The following OXR1 variants were observed in gnomAD, a reference collection of about 807,000 sequenced individuals.
OXR1 encodes the protein oxidation resistance 1.
Under a neutral mutation model 104.6 loss-of-function variants are expected in OXR1, and 41 were observed. The observed-to-expected ratio is 0.39, with a 90% CI of 0.31 to 0.51. The LOEUF (loss-of-function observed/expected upper bound fraction) is 0.51. Among genes scored for constraint, OXR1 ranks in the 20% least tolerant of loss-of-function variants. OXR1 has a pLI of 0.77. For synonymous variants in OXR1, 348 were observed against 348.4 expected, an observed-to-expected ratio of 1.00 and a Z score of 0.01; for missense variants, 955 against 1,031.9, an observed-to-expected ratio of 0.93 and a Z score of 1.02.
chr8:106,435,457 C>G (rs1452434527), intron 2 of OXR1, among the ~76,000 whole-genome samples: 1 of 152,122 alleles, frequency 6.6e-6, no homozygotes, highest in Non-Finnish European at 1.5e-5. Flanking sequence ...ATCTGCGATG[C>G]TATGAAAGGC....
chr8:106,489,311 A>G (rs1254902607), intron 2 of OXR1, among the ~76,000 whole-genome samples: 2 of 152,264 alleles, frequency 1.3e-5, no homozygotes, highest in East Asian at 3.9e-4. Context: ...TTAACCAGGT[A>G]TTTCTAATGC....
intron 2 of OXR1, among the ~76,000 whole-genome samples, chr8:106,367,357 C>T (rs1294700837): frequency 6.6e-6 from 1 of 151,980 alleles, no homozygotes; most frequent in African/African-American, 2.4e-5. Context: ...GCCACCACGC[C>T]CGATCTATGT....
At chr8:106,355,027 G>C (rs190320817) in intron 1 of OXR1, among the ~76,000 whole-genome samples, 232 of 152,038 alleles carry the variant, frequency 1.5e-3, no homozygotes, top group African/African-American at 5.5e-3. Context: ...AAAAGAGAGA[G>C]GGTTTATTAA....
chr8:106,671,959 A>G lies in OXR1; in HGVS notation c.221-7251A>G, dbSNP rs1350876051. ...GTTGTGCACATGTACCCTAGAACTT[A>G]AAGTATAATAATAATAATAATAATA... On this transcript the variant is annotated intron_variant, in intron 3 of 16. Coordinates refer to ENST00000517566, the MANE Select transcript of OXR1 (RefSeq NM_001198533.2). 4.9e-5 allele frequency among the ~76,000 whole-genome samples: 6 copies of G among 122,706 alleles called. No individual in the cohort carries two copies. In the Admixed American group the frequency reaches 5.0e-4, roughly 10 times the overall value. 80.5% of individuals were successfully genotyped at this position (122,706 alleles called of 152,430 possible).
At chr8:106,463,428 A>G (rs887793839) in intron 2 of OXR1, among the ~76,000 whole-genome samples, 3 of 152,148 alleles carry the variant, frequency 2.0e-5, no homozygotes, top group Admixed American at 6.6e-5. Context: ...GTTCTTAGAC[A>G]TGTTTTTCAT....
chr8:106,606,467 A>AT (rs34425594), intron 3 of OXR1, among the ~76,000 whole-genome samples: 74,213 of 136,774 alleles, frequency 0.54, 20,693 homozygotes, highest in African/African-American at 0.7. Context: ...TGCCTGGCTA[A>AT]TTTTTTTTTT....
chr8:106,382,611 C>G (rs1395295714), intron 2 of OXR1, among the ~76,000 whole-genome samples: 2 of 151,084 alleles, frequency 1.3e-5, no homozygotes, highest in African/African-American at 2.4e-5. Flanking sequence ...CACAGCCCAG[C>G]TCTGCTAGAG....
intron 3 of OXR1, among the ~76,000 whole-genome samples, chr8:106,585,038 C>A (rs1168170740): frequency 6.6e-6 from 1 of 152,028 alleles, no homozygotes; most frequent in African/African-American, 2.4e-5. Flanking sequence ...ATTTAAATGC[C>A]ATGTCAATTA....
chr8:106,278,538 A>G (rs1026921659), intron 1 of OXR1, among the ~76,000 whole-genome samples: 6 of 152,170 alleles, frequency 3.9e-5, no homozygotes, highest in Admixed American at 2.6e-4. Context: ...AAAAAATTCT[A>G]CATCATCCAT....
chr8:106,705,693 T>G (rs1474098788), intron 8 of OXR1, among the ~76,000 whole-genome samples: 2 of 152,162 alleles, frequency 1.3e-5, no homozygotes, highest in Non-Finnish European at 2.9e-5. Context: ...TTTTGAACAT[T>G]AGTGTTTACA....
chr8:106,446,599 C>T (rs1820020474), intron 2 of OXR1, among the ~76,000 whole-genome samples: 1 of 150,052 alleles, frequency 6.7e-6, no homozygotes, highest in Non-Finnish European at 1.5e-5. Context: ...GGCTGGGCAA[C>T]AGAGCAAGAC....
intron 2 of OXR1, among the ~76,000 whole-genome samples, chr8:106,415,481 G>T (rs1037353233): frequency 6.7e-6 from 1 of 149,278 alleles, no homozygotes; most frequent in Non-Finnish European, 1.5e-5. Flanking sequence ...TTACCATTTG[G>T]TAATTTTAAG....
chr8:106,293,562 T>G (rs933680702), intron 1 of OXR1, among the ~76,000 whole-genome samples: 2 of 152,230 alleles, frequency 1.3e-5, no homozygotes, highest in African/African-American at 2.4e-5. Flanking sequence ...TCTTGGGTTA[T>G]TTTGTGCTGC....
chr8:106,729,354 A>T (rs1833658798), intron 11 of OXR1, among the ~76,000 whole-genome samples: 1 of 152,276 alleles, frequency 6.6e-6, no homozygotes, highest in South Asian at 2.1e-4. Flanking sequence ...GAGGAAGAGA[A>T]TTATTTATTT....
At position 106,726,198 on chromosome 8, in the gene OXR1, C is replaced by T. The variant is rs1310100560; in HGVS notation, c.1957-11322C>T. ...GACAGAGGAAGAATGCTTTTGAAAA[C>T]AGTTCTTACGTGATTTTATGTAACT... On this transcript the variant is annotated intron_variant, in intron 11 of 16. Transcript: ENST00000517566. The T allele has an allele frequency of 2.0e-6, 3 of 1,500,536 alleles. No individual in the cohort carries two copies. The African/African-American group carries it at 4.2e-5, about 21-fold the overall frequency. The allele number at this position is 1,500,536 out of a possible 1,614,324, so 93.0% of individuals were successfully genotyped here.
intron 1 of OXR1, among the ~76,000 whole-genome samples, chr8:106,284,657 C>T (rs1483100646): frequency 3.9e-5 from 6 of 152,222 alleles, no homozygotes; most frequent in Admixed American, 3.3e-4. Context: ...GGATAGCAAG[C>T]TTTCAGTTTC....
chr8:106,393,652 C>T (rs7824381), intron 2 of OXR1, among the ~76,000 whole-genome samples: 97,615 of 151,680 alleles, frequency 0.64, 31,618 homozygotes, highest in Middle Eastern at 0.68. Context: ...TAATGAAATA[C>T]ATAACATAAG....
rs570189001 is a variant in OXR1, at chr8:106,291,102, A to G, written c.-139+20735A>G. Among the ~76,000 whole-genome samples the G allele has an allele frequency of 2.6e-5, 4 of 152,350 alleles. No individual in the cohort carries two copies. The South Asian group carries it at 6.2e-4, about 24-fold the overall frequency. The stretch of plus-strand genomic sequence containing the variant: ...TTATGGTACATATACATCATGGAAT[A>G]CTATGCAGCCATAAAAAAATGGAAT... On this transcript the variant is annotated intron_variant, in intron 1 of 16. Coordinates refer to ENST00000517566, the MANE Select transcript of OXR1 (RefSeq NM_001198533.2).
At chr8:106,655,086 G>C (rs1286047234) in intron 3 of OXR1, among the ~76,000 whole-genome samples, 1 of 152,086 alleles carries the variant, frequency 6.6e-6, no homozygotes, top group East Asian at 1.9e-4. Context: ...GTCTATAAAA[G>C]GCAAATCCAC....
Sources: allele counts gnomAD v4.1 joint callset (sites outside exome capture counted in the v4.1 genomes callset), GRCh38; gene constraint gnomAD v4.1.1; transcripts MANE v1.5; gene names NCBI Gene and HGNC (gene_info 2026-07-23, HGNC 2026-07-21).